ARHGAP26: variants seen among roughly 807,000 people sequenced by gnomAD.
ARHGAP26 encodes rho GTPase-activating protein 26.
Under a neutral mutation model 104.8 loss-of-function variants are expected in ARHGAP26, and 38 were observed. The ratio of observed to expected loss-of-function variants is 0.36; its 90% CI spans 0.28 to 0.48. ARHGAP26 has a LOEUF of 0.48. ARHGAP26 is among the 20% of genes least tolerant of loss of function. The pLI, the probability that ARHGAP26 is intolerant of heterozygous loss-of-function variation, is 0.99. For missense variants in ARHGAP26, 704 were observed against 947.9 expected, an observed-to-expected ratio of 0.74 and a Z score of 3.38; for synonymous variants, 341 against 340.0, an observed-to-expected ratio of 1.00 and a Z score of -0.03.
chr5:142,820,432 G>A (rs1047908286), intron 1 of ARHGAP26, among the ~76,000 whole-genome samples: 7 of 149,410 alleles, frequency 4.7e-5, no homozygotes, highest in Admixed American at 2.7e-4. Flanking sequence ...TTTAGTCCAA[G>A]ATGCTTAAAA....
chr5:142,814,125 C>G (rs1163669914), intron 1 of ARHGAP26, among the ~76,000 whole-genome samples: 1 of 152,224 alleles, frequency 6.6e-6, no homozygotes, highest in African/African-American at 2.4e-5. Flanking sequence ...TGTGTCTTGG[C>G]TACTTTCAGA....
chr5:143,192,712 G>GA (rs1404515463), intron 20 of ARHGAP26: 1 of 152,030 alleles, frequency 6.6e-6, no homozygotes, highest in African/African-American at 2.4e-5. Context: ...TAGCTTAAGG[G>GA]AAAAAAATGG....
chr5:143,012,151 A>C (rs185856569), intron 11 of ARHGAP26, among the ~76,000 whole-genome samples: 48 of 152,244 alleles, frequency 3.2e-4, no homozygotes, highest in African/African-American at 1.1e-3. Context: ...AATCCTCTTT[A>C]AGTACAGAAA....
At position 143,055,975 on chromosome 5, in the gene ARHGAP26, G is replaced by C. The variant is rs942392614; in HGVS notation, c.1374-53G>C. On this transcript the variant is annotated intron_variant, in intron 15 of 22. Coordinates refer to ENST00000645722, the MANE Select transcript of ARHGAP26 (RefSeq NM_001135608.3). ...CAGTCTCTAGGCTGCTATTTAGAGA[G>C]AATATGATTATTCTTATTATTAAGC... 4.6e-6 allele frequency: 6 copies of C among 1,317,380 alleles called. No homozygotes were observed. In the African/African-American group the frequency reaches 8.8e-5, roughly 19 times the overall value. The allele number at this position is 1,317,380 out of a possible 1,614,324, so 81.6% of individuals were successfully genotyped here.
Position 142,913,189 on chromosome 5 carries a change from T to A in ARHGAP26, c.934-10T>A, listed in dbSNP as rs1457162478. On this transcript the variant is annotated splice_polypyrimidine_tract_variant and intron_variant, in intron 9 of 22. Transcript: ENST00000645722. ...TGGCCTCATCTTGATAGTCTGTGTG[T>A]TCCCACTAGGGAGAAGATGAATCAG... The A allele has an allele frequency of 6.2e-7, 1 of 1,612,620 alleles. No homozygotes were observed. The highest frequency in any genetic ancestry group is 8.5e-7 in the Non-Finnish European group (1 of 1,178,758).
intron 5 of ARHGAP26, among the ~76,000 whole-genome samples, chr5:142,889,391 T>C (rs1370663035): frequency 6.6e-6 from 1 of 152,028 alleles, no homozygotes; most frequent in Non-Finnish European, 1.5e-5. Context: ...GGCGGGTGGA[T>C]CACTTGAGGT....
chr5:143,049,628 G>T (rs1271017088), intron 14 of ARHGAP26, among the ~76,000 whole-genome samples: 1 of 151,952 alleles, frequency 6.6e-6, no homozygotes, highest in East Asian at 1.9e-4. Flanking sequence ...TCAAACCTTT[G>T]CTTTTAAGCT....
chr5:143,033,735 T>C (rs542158841), intron 12 of ARHGAP26, among the ~76,000 whole-genome samples: 12 of 152,344 alleles, frequency 7.9e-5, no homozygotes, highest in Non-Finnish European at 1.6e-4. Context: ...TCAGAATCAA[T>C]GTCTGCAGCT....
rs143382612 is a variant in ARHGAP26, at chr5:143,225,249, G to A, written c.*2803G>A. On this transcript the variant is annotated 3_prime_UTR_variant, in exon 23 of 23. Transcript: ENST00000645722. ...GTGGCCCAGGCTGGAGTGCAGTGGC[G>A]CAATCTTGGCTCACTGCAACCTCCA... The A allele has an allele frequency of 7.5e-3, 1,390 of 185,260 alleles. 21 individuals carry two copies. Among genetic ancestry groups the A allele is most frequent in the African/African-American group, 0.031 (1,315 of 42,760 alleles). 11.5% of individuals were successfully genotyped at this position (185,260 alleles called of 1,614,324 possible).
intron 12 of ARHGAP26, among the ~76,000 whole-genome samples, chr5:143,015,643 G>A (rs1779486174): frequency 6.6e-6 from 1 of 152,174 alleles, no homozygotes; most frequent in Admixed American, 6.5e-5. Flanking sequence ...TGGATGCCAA[G>A]CAGGCTACAC....
At chr5:142,851,386 T>G (rs527897790) in intron 1 of ARHGAP26, among the ~76,000 whole-genome samples, 1 of 152,212 alleles carries the variant, frequency 6.6e-6, no homozygotes, top group East Asian at 1.9e-4. Flanking sequence ...CGTGAGCCGC[T>G]GCGCCCAGCC....
At chr5:143,185,020 A>G (rs1804933742) in intron 20 of ARHGAP26, among the ~76,000 whole-genome samples, 1 of 152,230 alleles carries the variant, frequency 6.6e-6, no homozygotes, top group Non-Finnish European at 1.5e-5. Context: ...TGTATTATTT[A>G]CTATAGTAAG....
intron 13 of ARHGAP26, 88 bp from the exon 14 acceptor site, chr5:143,041,722 GAAAAAA>G: frequency 2.3e-5 from 15 of 641,910 alleles, no homozygotes; most frequent in South Asian, 6.1e-5. Flanking sequence ...CTGAGAAAAT[GAAAAAA>G]AAAAAAAAAA....
intron 19 of ARHGAP26, among the ~76,000 whole-genome samples, chr5:143,146,657 C>T (rs1799192557): frequency 6.6e-6 from 1 of 152,214 alleles, no homozygotes; most frequent in African/African-American, 2.4e-5. Context: ...ACACCAAGTA[C>T]ATGGAGCTAG....
chr5:142,987,539 A>C (rs1031298422), intron 11 of ARHGAP26, among the ~76,000 whole-genome samples: 3 of 92,760 alleles, frequency 3.2e-5, no homozygotes, highest in Non-Finnish European at 4.4e-5. Context: ...TATGTTGAAT[A>C]GGAGTGGTGA....
At chr5:143,093,606 C>T (rs1461098638) in intron 17 of ARHGAP26, among the ~76,000 whole-genome samples, 1 of 151,804 alleles carries the variant, frequency 6.6e-6, no homozygotes, top group Non-Finnish European at 1.5e-5. Context: ...CTGTCTTTGA[C>T]TCCATCTTTG....
intron 6 of ARHGAP26, among the ~76,000 whole-genome samples, chr5:142,895,323 T>C (rs6872174): frequency 0.015 from 2,261 of 152,200 alleles, 65 homozygotes; most frequent in African/African-American, 0.052. Flanking sequence ...CTCTGCCTTC[T>C]GGGTTCAAGC....
At chr5:143,209,308 C>T (rs1809071267) in intron 21 of ARHGAP26, among the ~76,000 whole-genome samples, 1 of 152,168 alleles carries the variant, frequency 6.6e-6, no homozygotes, top group Non-Finnish European at 1.5e-5. Context: ...GACTGTTTTT[C>T]CTTCCTACTT....
At chr5:143,029,017 G>C (rs1781468201) in intron 12 of ARHGAP26, among the ~76,000 whole-genome samples, 1 of 152,182 alleles carries the variant, frequency 6.6e-6, no homozygotes, top group South Asian at 2.1e-4. Flanking sequence ...GCTTCTGAGA[G>C]CTGCTATCAT....
Sources: gnomAD v4.1 joint callset for allele counts (sites outside exome capture counted in the v4.1 genomes callset) on GRCh38, gnomAD v4.1.1 for gene constraint, MANE v1.5 for transcripts, NCBI Gene and HGNC (gene_info 2026-07-23, HGNC 2026-07-21) for gene names.